The following NCOR1 variants were observed in gnomAD, a reference collection of about 807,000 sequenced individuals.
The protein encoded by NCOR1 is nuclear receptor corepressor 1.
Under a neutral mutation model 288.1 loss-of-function variants are expected in NCOR1, and 63 were observed. That is an observed-to-expected ratio of 0.22 (90% CI 0.18 to 0.27). The LOEUF (loss-of-function observed/expected upper bound fraction) is 0.27. Ranked by LOEUF, NCOR1 falls within the 10% of genes least tolerant of loss-of-function variation. The probability of loss-of-function intolerance (pLI) is 1.00; values close to 1 mark genes in which losing one functional copy is unlikely to be tolerated. For missense variants in NCOR1, 2,397 were observed against 3,019.2 expected, an observed-to-expected ratio of 0.79 and a Z score of 4.83; for synonymous variants, 1,007 against 1,065.9, an observed-to-expected ratio of 0.94 and a Z score of 1.08.
intron 19 of NCOR1, among the ~76,000 whole-genome samples, chr17:16,103,714 T>C (rs1217285477): frequency 2.0e-5 from 3 of 152,240 alleles, no homozygotes; most frequent in Non-Finnish European, 4.4e-5. Flanking sequence ...AAACATCACA[T>C]GCTTAAAAAG....
At chr17:16,058,354 A>G in intron 38 of NCOR1, 117 bp downstream of exon 38, 1 of 1,334,558 alleles carries the variant, frequency 7.5e-7, no homozygotes, top group Admixed American at 2.4e-5. Context: ...GGCTCATGTA[A>G]GATTACCCTA....
intron 1 of NCOR1, among the ~76,000 whole-genome samples, chr17:16,212,842 C>CTTTGGG (rs1281824800): frequency 6.6e-6 from 1 of 151,888 alleles, no homozygotes; most frequent in African/African-American, 2.4e-5. Context: ...GAGGCTGAGA[C>CTTTGGG]AGGCAGATCG....
chr17:16,087,787 C>G (rs1306212669), intron 22 of NCOR1, among the ~76,000 whole-genome samples: 3 of 152,172 alleles, frequency 2.0e-5, no homozygotes, highest in East Asian at 1.9e-4. Flanking sequence ...ATGGAAGAAG[C>G]CTTTCAAAAG....
Position 16,080,056 on chromosome 17 carries a change from C to T in NCOR1, c.3409G>A (p.Gly1137Arg), listed in dbSNP as rs2063154642. The T allele has an allele frequency of 6.2e-7, 1 of 1,613,712 alleles. No individual in the cohort carries two copies. The highest frequency in any genetic ancestry group is 8.5e-7 in the Non-Finnish European group (1 of 1,179,746). ...QHEGVVRGTA[G>R]AIQEGSITRG... ...GTTATACTTCCTTCTTGTATGGCTC[C>T]TGCGGTACCTGAATACAAACAAAGC... Residue 1137 changes from glycine to arginine, a missense_variant, in exon 26 of 46, where the codon GGA becomes AGA. Gly to Arg is a moderately radical substitution (Grantham distance 125). This residue lies in a region of NCOR1 where 1,872 missense variants were observed against 2,187.8 expected (regional missense o/e 0.86). Transcript: ENST00000268712.
intron 7 of NCOR1, among the ~76,000 whole-genome samples, chr17:16,153,002 G>A (rs550001857): frequency 1.3e-5 from 2 of 151,902 alleles, no homozygotes; most frequent in African/African-American, 4.8e-5. Context: ...TAATTTCAAA[G>A]TATTAATACT....
At chr17:16,099,962 A>G (rs2067299315) in intron 20 of NCOR1, among the ~76,000 whole-genome samples, 2 of 152,246 alleles carry the variant, frequency 1.3e-5, no homozygotes, top group East Asian at 3.8e-4. Context: ...TACATAAGAT[A>G]TAAAATATAT....
In NCOR1 at chr17:16,065,469, A is replaced by G. The variant is rs778843106; in HGVS notation, c.4951+16T>C. 6.2e-7 allele frequency: 1 copy of G among 1,612,666 alleles called. No individual in the cohort carries two copies. The highest frequency in any genetic ancestry group is 8.5e-7 in the Non-Finnish European group (1 of 1,178,792). The stretch of plus-strand genomic sequence containing the variant: ...CATAATAAATTCTACGAAATCTGAA[A>G]TGCAAAGACACACACCTCTCGTTGC... On this transcript the variant is annotated intron_variant, in intron 33 of 45. Transcript: ENST00000268712.
intron 21 of NCOR1, among the ~76,000 whole-genome samples, chr17:16,094,711 C>T (rs528628152): frequency 4.6e-5 from 7 of 152,162 alleles, no homozygotes; most frequent in Non-Finnish European, 8.8e-5. Flanking sequence ...ATTGCAGGCG[C>T]GCGCCGCCAC....
intron 1 of NCOR1, among the ~76,000 whole-genome samples, chr17:16,204,804 T>C (rs2091286849): frequency 6.6e-6 from 1 of 152,202 alleles, no homozygotes; most frequent in Non-Finnish European, 1.5e-5. Context: ...ATAAGGAAAT[T>C]AAGGTGTACA....
At chr17:16,092,683 ATATATATATATATT>A (rs1319086934) in intron 21 of NCOR1, among the ~76,000 whole-genome samples, 3 of 17,834 alleles carry the variant, frequency 1.7e-4, no homozygotes, top group East Asian at 3.0e-3. Flanking sequence ...ATATATATAT[ATATATATATATATT>A]TTTTTTTTTT....
intron 1 of NCOR1, among the ~76,000 whole-genome samples, chr17:16,202,115 T>C (rs1476481014): frequency 6.6e-6 from 1 of 151,374 alleles, no homozygotes; most frequent in Non-Finnish European, 1.5e-5. Context: ...TCCCAGCTAC[T>C]TGGGAGGCTG....
Position 16,137,300 on chromosome 17 carries a change from AG to A in NCOR1, c.1509+10del. 1.9e-6 allele frequency: 3 copies of A among 1,565,350 alleles called. No homozygotes were observed. The highest frequency in any genetic ancestry group is 2.6e-6 in the Non-Finnish European group (3 of 1,143,804). ...TCCTGAAATATCTTCCATACAAGTA[AG>A]AAAACACACCTGGTTTCTGCCTCTG... is the stretch of plus-strand genomic sequence containing the variant. On this transcript the variant is annotated intron_variant, in intron 14 of 45. Coordinates refer to ENST00000268712, the MANE Select transcript of NCOR1 (RefSeq NM_006311.4).
intron 1 of NCOR1, among the ~76,000 whole-genome samples, chr17:16,203,458 T>C (rs1600520041): frequency 6.6e-6 from 1 of 152,308 alleles, no homozygotes; most frequent in East Asian, 1.9e-4. Flanking sequence ...TTCAGGTGGC[T>C]AGCTCCTCCT....
intron 5 of NCOR1, among the ~76,000 whole-genome samples, chr17:16,164,058 AT>A (rs2081471090): frequency 6.6e-6 from 1 of 152,090 alleles, no homozygotes; most frequent in Admixed American, 6.6e-5. Flanking sequence ...ATGTTCTAGA[AT>A]TAGAGAGTGG....
chr17:16,135,396 C>T (rs1480698848), intron 14 of NCOR1, among the ~76,000 whole-genome samples: 1 of 152,050 alleles, frequency 6.6e-6, no homozygotes, highest in Admixed American at 6.6e-5. Context: ...GGCAAGCACC[C>T]ATCCTTTGTC....
chr17:16,086,555 G>T, intron 22 of NCOR1, 113 bp from the exon 23 acceptor site: 1 of 918,718 alleles, frequency 1.1e-6, no homozygotes. Context: ...AATGTAAGAT[G>T]AAACCAACAA....
At chr17:16,077,080 G>A (rs1005640533) in intron 26 of NCOR1, among the ~76,000 whole-genome samples, 1 of 152,184 alleles carries the variant, frequency 6.6e-6, no homozygotes, top group East Asian at 2.0e-4. Flanking sequence ...TTTATGCAGG[G>A]AAAATTCTTC....
chr17:16,138,632 A>G (rs1270996281), intron 12 of NCOR1, among the ~76,000 whole-genome samples: 1 of 152,238 alleles, frequency 6.6e-6, no homozygotes, highest in Admixed American at 6.5e-5. Context: ...CTAACTGCCA[A>G]TCTGAGGAAC....
chr17:16,118,626 GTATC>G (rs960761071), intron 17 of NCOR1, among the ~76,000 whole-genome samples: 7 of 152,088 alleles, frequency 4.6e-5, no homozygotes, highest in Non-Finnish European at 8.8e-5. Flanking sequence ...CAAAGAATAT[GTATC>G]TATGCATTTG....
Sources: allele counts gnomAD v4.1 joint callset (sites outside exome capture counted in the v4.1 genomes callset), GRCh38; gene constraint gnomAD v4.1.1; regional missense constraint gnomAD v4.1.1; transcripts MANE v1.5; gene names NCBI Gene and HGNC (gene_info 2026-07-23, HGNC 2026-07-21).